The following ACACB variants were observed in gnomAD, a reference collection of about 807,000 sequenced individuals.
ACACB encodes acetyl-CoA carboxylase 2.
In ACACB, 209 loss-of-function variants were observed where a neutral mutation model predicts 278.8. The ratio of observed to expected loss-of-function variants is 0.75; its 90% CI spans 0.67 to 0.84. The LOEUF is 0.84. ACACB is among the 40% of genes least tolerant of loss of function. The probability of loss-of-function intolerance (pLI) is 0.00; values close to 1 mark genes in which losing one functional copy is unlikely to be tolerated. For synonymous variants in ACACB, 1,174 were observed against 1,285.6 expected (o/e 0.91, Z 1.86); for missense variants, 2,850 against 3,269.0 (o/e 0.87, Z 3.13).
intron 2 of ACACB, among the ~76,000 whole-genome samples, chr12:109,143,463 A>C (rs1186186183): frequency 1.0e-4 from 1 of 9,578 alleles, no homozygotes; most frequent in Non-Finnish European, 8.0e-4. Context: ...ACCCTGTCTC[A>C]AAAAAAAAAA....
chr12:109,255,460 C>G (rs992714146), intron 44 of ACACB, among the ~76,000 whole-genome samples: 1 of 152,144 alleles, frequency 6.6e-6, no homozygotes, highest in Non-Finnish European at 1.5e-5. Flanking sequence ...GGCTGCTTAT[C>G]TCAATTAAAA....
intron 17 of ACACB, among the ~76,000 whole-genome samples, chr12:109,199,123 G>C (rs1268514772): frequency 6.6e-6 from 1 of 151,734 alleles, no homozygotes; most frequent in Non-Finnish European, 1.5e-5. Flanking sequence ...CCGGGAGGCG[G>C]AGCTTGCAGT....
At chr12:109,179,886 A>C (rs2044407104) in intron 10 of ACACB, 31 bp from the exon 11 acceptor site, 1 of 1,582,134 alleles carries the variant, frequency 6.3e-7, no homozygotes, top group South Asian at 1.1e-5. Flanking sequence ...GACCTCTGGA[A>C]CCCCCTTGGC....
chr12:109,201,166 A>G (rs927385358), intron 18 of ACACB, among the ~76,000 whole-genome samples: 1 of 152,280 alleles, frequency 6.6e-6, no homozygotes, highest in Non-Finnish European at 1.5e-5. Context: ...AGGGTTTTCT[A>G]AGTGCCTTTA....
intron 19 of ACACB, among the ~76,000 whole-genome samples, chr12:109,206,275 A>C (rs1001424498): frequency 5.3e-4 from 80 of 152,092 alleles, no homozygotes; most frequent in African/African-American, 1.8e-3. Context: ...CTATACTAAA[A>C]ATACAAAAAT....
intron 15 of ACACB, 132 bp from the exon 16 acceptor site, chr12:109,193,516 C>A: frequency 1.4e-6 from 1 of 724,314 alleles, no homozygotes; most frequent in Non-Finnish European, 2.4e-6. Flanking sequence ...TTGCGCCCAG[C>A]CCAGGCTTAG....
intron 50 of ACACB, 100 bp downstream of exon 50, chr12:109,264,486 G>T (rs540389916): frequency 1.5e-5 from 22 of 1,473,630 alleles, no homozygotes; most frequent in Non-Finnish European, 2.1e-5. Context: ...GGTGGTGGTT[G>T]GGATGGGTCA....
Position 109,259,061 on chromosome 12 carries a change from C to T in ACACB, c.6449C>T (p.Pro2150Leu). ...AVKDFNREKLPLMIFANWRGF... is the reference protein window; with the variant it reads ...AVKDFNREKLLLMIFANWRGF... Reference sequence around the variant, plus strand: ...AAGGACTTCAACCGGGAGAAGTTGCCCCTGATGATCTTTGCCAACTGGAGG... The same window carrying T: ...AAGGACTTCAACCGGGAGAAGTTGCTCCTGATGATCTTTGCCAACTGGAGG... The change falls in exon 47 of 53, where the codon CCC becomes CTC. Residue 2150 changes from proline (P) to leucine (L), a missense_variant. Transcript: ENST00000338432. 6.2e-7 allele frequency: 1 copy of T among 1,614,090 alleles called. No homozygotes were observed. The highest frequency in any genetic ancestry group is 1.7e-5 in the Admixed American group (1 of 60,020).
chr12:109,234,195 C>T (rs1040929237), intron 31 of ACACB, 150 bp downstream of exon 31: 1 of 668,516 alleles, frequency 1.5e-6, no homozygotes, highest in Admixed American at 2.5e-5. Flanking sequence ...CGCCTCATAG[C>T]TGGCGACCTT....
rs964371457 is a variant in ACACB at position 109,176,405 on chromosome 12, A to G, written c.1437+142A>G. On this transcript the variant is annotated intron_variant, in intron 9 of 52. Transcript: ENST00000338432. ...ATGTATCGTTGTATCGTATTTTGCA[A>G]CAAACGCGTACATTTTTACTCAGAA... The G allele has an allele frequency of 4.1e-6, 3 of 739,064 alleles. No homozygotes were observed. In the African/African-American group the frequency reaches 5.3e-5, roughly 13 times the overall value. 45.8% of individuals were successfully genotyped at this position (739,064 alleles called of 1,614,324 possible).
intron 1 of ACACB, 39 bp from the exon 2 acceptor site, chr12:109,139,358 T>C (rs1265585883): frequency 1.9e-6 from 3 of 1,554,828 alleles, no homozygotes; most frequent in Admixed American, 3.7e-5. Context: ...ATCACTTGAT[T>C]ATGTAAATCC....
chr12:109,152,090 A>G (rs1194927437), intron 2 of ACACB, among the ~76,000 whole-genome samples: 2 of 152,166 alleles, frequency 1.3e-5, no homozygotes. Flanking sequence ...GAGATGTGTG[A>G]GGCTGTCTTT....
In ACACB at chr12:109,264,261, A is replaced by G; in HGVS notation, c.6817A>G (p.Lys2273Glu). The G allele has an allele frequency of 6.2e-7, 1 of 1,614,152 alleles. No homozygotes were observed. Among genetic ancestry groups the G allele is most frequent in the Non-Finnish European group, 8.5e-7 (1 of 1,180,028 alleles). ...GEPDLSDKDR[K>E]DLEGRLKARE... ...ACCTGATCTCTCCGACAAGGACCGA[A>G]AGGACCTGGAGGGCCGGCTAAAGGC... Residue 2273 changes from lysine (K) to glutamate (E), a missense_variant, in exon 50 of 53, where the codon AAG becomes GAG. Physicochemically the swap from Lys to Glu is moderately conservative, Grantham distance 56. Around this residue, in one of 3 missense-constraint regions of ACACB, gnomAD observed 579 missense variants for 684.6 expected, o/e 0.85. Coordinates refer to ENST00000338432, the MANE Select transcript of ACACB (RefSeq NM_001093.4).
chr12:109,190,869 T>C lies in ACACB; in HGVS notation c.2145-744T>C, dbSNP rs1016936052. On this transcript the variant is annotated intron_variant, in intron 13 of 52. Coordinates refer to ENST00000338432, the MANE Select transcript of ACACB (RefSeq NM_001093.4). ...CTTGAACTCATGCCTCAAGCAATCC[T>C]CCCGCCTCAGACTCCCAAAGCAGTG... Among the ~76,000 whole-genome samples the C allele has an allele frequency of 2.6e-5, 4 of 152,030 alleles. No individual in the cohort carries two copies. In the South Asian group the frequency reaches 6.2e-4, roughly 24 times the overall value.
upstream of ACACB, among the ~76,000 whole-genome samples, chr12:109,115,033 AGATAGT>A (rs2042376356): frequency 6.6e-6 from 1 of 152,214 alleles, no homozygotes; most frequent in Admixed American, 6.5e-5. Context: ...TGTCTTAAAG[AGATAGT>A]GTCTAGGGAG....
At chr12:109,245,862 G>A (rs969619128) in intron 38 of ACACB, 114 bp downstream of exon 38, 3 of 1,355,126 alleles carry the variant, frequency 2.2e-6, no homozygotes, top group Admixed American at 4.8e-5. Context: ...GCCAAGGTGG[G>A]TGGATCACTT....
chr12:109,185,613 A>T lies in ACACB; in HGVS notation c.1853A>T (p.Asp618Val). 1 of 1,613,908 alleles carries T rather than the reference A, an allele frequency of 6.2e-7. No individual in the cohort carries two copies. Among genetic ancestry groups the T allele is most frequent in the Non-Finnish European group, 8.5e-7 (1 of 1,179,970 alleles). ...AMGVPLHRLK[D>V]IRLLYGESPW... ...GGCGTGCCACTGCACCGGCTGAAGG[A>T]TATCCGGCTTCTGTATGGAGAGTCA... The change falls in exon 12 of 53, where the codon GAT (aspartate) becomes GTT (valine). Residue 618 changes from aspartate to valine, a missense_variant. This residue lies in a region of ACACB where 2,265 missense variants were observed against 2,561.3 expected (regional missense o/e 0.88). Transcript: ENST00000338432.
chr12:109,210,094 CAT>C lies in ACACB; in HGVS notation c.3249+742_3249+743del, dbSNP rs748534445. Among the ~76,000 whole-genome samples, 565 of 89,018 alleles carry C rather than the reference CAT, an allele frequency of 6.3e-3. 80 individuals carry two copies. The highest frequency in any genetic ancestry group is 0.017 in the African/African-American group (357 of 20,642). The allele number at this position is 89,018 out of a possible 152,430, so 58.4% of individuals were successfully genotyped here. ...ATGTGTATATATGTATATATACACA[CAT>C]GTGTGTGTATATGTATATATACACG... On this transcript the variant is annotated intron_variant, in intron 21 of 52. Transcript: ENST00000338432.
At position 109,264,314 on chromosome 12, in the gene ACACB, C is replaced by A. The variant is rs2047456465; in HGVS notation, c.6870C>A (p.Tyr2290Ter). ...KAREDLLLPIYHQVAVQFADF... is the reference protein window; with the variant it reads ...KAREDLLLPI ...GCGAGGACCTGCTGCTCCCCATCTA[C>A]CACCAGGTGGCGGTGCAGTTCGCCG... is the stretch of plus-strand genomic sequence containing the variant. Residue 2290 changes from tyrosine to a stop codon, truncating the protein, a stop_gained, in exon 50 of 53, where the codon TAC (tyrosine) becomes TAA (stop). Transcript: ENST00000338432. LOFTEE classifies it high-confidence loss of function. 6.2e-7 allele frequency: 1 copy of A among 1,614,074 alleles called. No homozygotes were observed. Among genetic ancestry groups the A allele is most frequent in the Non-Finnish European group, 8.5e-7 (1 of 1,180,048 alleles).
Sources: allele counts gnomAD v4.1 joint callset (sites outside exome capture counted in the v4.1 genomes callset), GRCh38; gene constraint gnomAD v4.1.1; regional missense constraint gnomAD v4.1.1; transcripts MANE v1.5; gene names NCBI Gene and HGNC (gene_info 2026-07-23, HGNC 2026-07-21).